GLS: variants seen among roughly 807,000 people sequenced by gnomAD.
GLS encodes glutaminase kidney isoform, mitochondrial.
A neutral mutation model predicts 86.7 loss-of-function variants in GLS; 36 were observed. The ratio of observed to expected loss-of-function variants is 0.42; its 90% CI spans 0.32 to 0.55. The LOEUF is 0.55. Ranked by LOEUF, GLS falls within the 20% of genes least tolerant of loss-of-function variation. GLS has a pLI of 0.17. For missense variants in GLS, 528 were observed against 833.4 expected (o/e 0.63, Z 4.51); for synonymous variants, 317 against 305.9 (o/e 1.04, Z -0.38).
intron 14 of GLS, among the ~76,000 whole-genome samples, chr2:190,939,519 C>T (rs1401637761): frequency 6.6e-6 from 1 of 151,618 alleles, no homozygotes; most frequent in Non-Finnish European, 1.5e-5. Context: ...GTATCAGTTA[C>T]ACAAATGTAA....
At chr2:190,912,695 T>C (rs1354706365) in intron 7 of GLS, among the ~76,000 whole-genome samples, 1 of 152,160 alleles carries the variant, frequency 6.6e-6, no homozygotes, top group East Asian at 1.9e-4. Flanking sequence ...TGATACTCAA[T>C]GTGCTGTTCA....
At position 190,935,130 on chromosome 2, in the gene GLS, GT is replaced by G; in HGVS notation, c.1650+3494del. On this transcript the variant is annotated intron_variant, in intron 14 of 17. Coordinates refer to ENST00000320717, the MANE Select transcript of GLS (RefSeq NM_014905.5). The surrounding 1 kb of genome is among the most constrained non-coding windows in gnomAD (Gnocchi z 4.2). ...ATTTGAAATGCATATTGTTCTTGAA[GT>G]ACTTTGTTTTTAGCATAAATGTTGT... 1 of 940,716 alleles carries G rather than the reference GT, an allele frequency of 1.1e-6. No individual in the cohort carries two copies. Among genetic ancestry groups the G allele is most frequent in the Non-Finnish European group, 1.3e-6 (1 of 789,570 alleles). The allele number at this position is 940,716 out of a possible 1,614,324, so 58.3% of individuals were successfully genotyped here.
intron 3 of GLS, among the ~76,000 whole-genome samples, chr2:190,900,243 G>C (rs1688893446): frequency 6.6e-6 from 1 of 152,150 alleles, no homozygotes; most frequent in Non-Finnish European, 1.5e-5. Flanking sequence ...TCGTCATGCT[G>C]AATGTTACCA....
In GLS at chr2:190,933,508, G is replaced by C. The variant is rs1179051227; in HGVS notation, c.1650+1871G>C. ...ACTTTTTTTATTTTGCAACTCCTCT[G>C]TTCTGTCAGAGTTGTTATATACAGG... On this transcript the variant is annotated intron_variant, in intron 14 of 17. Transcript: ENST00000320717. The C allele has an allele frequency of 4.4e-6, 4 of 916,476 alleles. No individual in the cohort carries two copies. The South Asian group carries it at 2.0e-4, about 46-fold the overall frequency. The allele number at this position is 916,476 out of a possible 1,614,324, so 56.8% of individuals were successfully genotyped here. A position where few individuals can be genotyped will look rare whatever the true frequency, so the allele number is the denominator to read the frequency against.
At position 190,963,233 on chromosome 2, in the gene GLS, A is replaced by G. The variant is rs1691044702; in HGVS notation, c.*247A>G. 3 of 320,652 alleles carry G rather than the reference A, an allele frequency of 9.4e-6. No individual in the cohort carries two copies. The highest frequency in any genetic ancestry group is 1.7e-5 in the Non-Finnish European group (3 of 173,510). The allele number at this position is 320,652 out of a possible 1,614,324, so 19.9% of individuals were successfully genotyped here. ...CATTGTATAATTTGATGTAAAAGAA[A>G]TAGTTACCAATGCTAGCTTGTGTGG... On this transcript the variant is annotated 3_prime_UTR_variant, in exon 18 of 18. Transcript: ENST00000320717.
rs192670482 is a variant in GLS, at chr2:190,964,960, A to T, written c.*1974A>T. ...AAAGAGAGTTTTCATCTTTTTTCAG[A>T]TCAAAACCATTCTGTAAAATCTTTG... On this transcript the variant is annotated 3_prime_UTR_variant, in exon 18 of 18. Coordinates refer to ENST00000320717, the MANE Select transcript of GLS (RefSeq NM_014905.5). This position sits in a 1 kb window ranked among gnomAD's most constrained non-coding sequence, Gnocchi z 5.2. 1.9e-4 allele frequency: 29 copies of T among 152,262 alleles called. No homozygotes were observed. The highest frequency in any genetic ancestry group is 7.0e-4 in the African/African-American group (29 of 41,566). 9.4% of individuals were successfully genotyped at this position (152,262 alleles called of 1,614,324 possible).
At chr2:190,888,401 G>A (rs1688457904) in intron 1 of GLS, among the ~76,000 whole-genome samples, 1 of 152,144 alleles carries the variant, frequency 6.6e-6, no homozygotes, top group Non-Finnish European at 1.5e-5. Flanking sequence ...TTAAAACATT[G>A]TAATCAATAG....
chr2:190,930,543 G>A lies in GLS; in HGVS notation c.1532G>A (p.Ser511Asn). 1.2e-6 allele frequency: 2 copies of A among 1,611,722 alleles called. No individual in the cohort carries two copies. Among genetic ancestry groups the A allele is most frequent in the Non-Finnish European group, 1.7e-6 (2 of 1,178,886 alleles). The stretch of plus-strand genomic sequence containing the variant: ...CCTCCTCTGGATAAGATGGGCAACA[G>A]TGTTAAGGGAATTCACTTTTGTCAC... ...WSPPLDKMGNSVKGIHFCHDL... is the reference protein window; with the variant it reads ...WSPPLDKMGNNVKGIHFCHDL... Residue 511 changes from serine (S) to asparagine (N), a missense_variant, in exon 13 of 18, where the codon AGT becomes AAT. Ser to Asn is a conservative substitution (Grantham distance 46). Around this residue, in one of 4 missense-constraint regions of GLS, gnomAD observed 163 missense variants for 429.2 expected, o/e 0.38. Coordinates refer to ENST00000320717, the MANE Select transcript of GLS (RefSeq NM_014905.5). This position sits in a 1 kb window ranked among gnomAD's most constrained non-coding sequence, Gnocchi z 5.0.
At position 190,880,934 on chromosome 2, in the gene GLS, C is replaced by T; in HGVS notation, c.-151C>T. 5.0e-6 allele frequency: 5 copies of T among 1,006,488 alleles called. No individual in the cohort carries two copies. The highest frequency in any genetic ancestry group is 5.7e-5 in the East Asian group (2 of 35,298). 62.3% of individuals were successfully genotyped at this position (1,006,488 alleles called of 1,614,324 possible). On this transcript the variant is annotated 5_prime_UTR_variant, in exon 1 of 18. Coordinates refer to ENST00000320717, the MANE Select transcript of GLS (RefSeq NM_014905.5). ...GCAGCAGCAGCACCCGCATCCGCTG[C>T]GGGAGTCCGAGCCGGAACCACACCC...
chr2:190,936,576 A>T (rs1363262127), intron 14 of GLS, among the ~76,000 whole-genome samples: 2 of 151,022 alleles, frequency 1.3e-5, no homozygotes, highest in Admixed American at 1.3e-4. Flanking sequence ...TTGACTTTAA[A>T]GATTTGTGGT....
Position 190,930,707 on chromosome 2 carries a change from A to G in GLS, c.1557+139A>G. ...TGCCAGTTACTAGGGAGCCGTGGAA[A>G]TACTCCCAGAGGAGCTTCAAGTTGT... On this transcript the variant is annotated intron_variant, in intron 13 of 17. Transcript: ENST00000320717. This position sits in a 1 kb window ranked among gnomAD's most constrained non-coding sequence, Gnocchi z 5.0. 1 of 664,350 alleles carries G rather than the reference A, an allele frequency of 1.5e-6. No homozygotes were observed. Among genetic ancestry groups the G allele is most frequent in the South Asian group, 2.3e-5 (1 of 43,096 alleles). The allele number at this position is 664,350 out of a possible 1,614,324, so 41.2% of individuals were successfully genotyped here. A position where few individuals can be genotyped will look rare whatever the true frequency, so the allele number is the denominator to read the frequency against.
intron 7 of GLS, among the ~76,000 whole-genome samples, chr2:190,917,411 T>A (rs927149569): frequency 1.3e-5 from 2 of 152,226 alleles, no homozygotes; most frequent in African/African-American, 2.4e-5. Context: ...CATGTGTGGT[T>A]ACTTCCTCCA....
chr2:190,895,156 A>G lies in GLS; in HGVS notation c.391A>G (p.Ile131Val). 6.9e-7 allele frequency: 1 copy of G among 1,449,770 alleles called. No individual in the cohort carries two copies. The highest frequency in any genetic ancestry group is 1.4e-5 in the African/African-American group (1 of 71,706). 89.8% of individuals were successfully genotyped at this position (1,449,770 alleles called of 1,614,324 possible). A position where few individuals can be genotyped will look rare whatever the true frequency, so the allele number is the denominator to read the frequency against. Residue 131 changes from isoleucine (I) to valine (V), a missense_variant, in exon 2 of 18, where the codon ATA (isoleucine) becomes GTA (valine). Ile to Val is a conservative substitution (Grantham distance 29). Transcript: ENST00000320717. This position sits in a 1 kb window ranked among gnomAD's most constrained non-coding sequence, Gnocchi z 4.2. ...KELVASGENK[I>V]KQGLLPSLED... ...GTGTTCTTTCTACCTCTTTAGTAAA[A>G]TAAAACAGGGTCTGTTACCTAGCTT... is the stretch of plus-strand genomic sequence containing the variant.
intron 17 of GLS, among the ~76,000 whole-genome samples, chr2:190,957,375 A>G (rs1243077870): frequency 6.6e-6 from 1 of 152,182 alleles, no homozygotes; most frequent in Non-Finnish European, 1.5e-5. Context: ...TACAGGCATG[A>G]GCCACTGTGC....
At chr2:190,927,131 G>A in intron 11 of GLS, 175 bp from the exon 12 acceptor site, 1 of 541,314 alleles carries the variant, frequency 1.8e-6, no homozygotes, top group Admixed American at 3.7e-5. Flanking sequence ...AATCTTAAAA[G>A]TGGGTAGGAC....
rs1689463312 is a variant in GLS, at chr2:190,914,592, A to G, written c.1038+4271A>G. Among the ~76,000 whole-genome samples the G allele has an allele frequency of 6.6e-6, 1 of 151,944 alleles. No homozygotes were observed. The highest frequency in any genetic ancestry group is 1.5e-5 in the Non-Finnish European group (1 of 67,990). The stretch of plus-strand genomic sequence containing the variant: ...TTTTCCTAATACTCTTTAGCTTTAA[A>G]CCATTTTCTATCATAAGACTAAATT... On this transcript the variant is annotated intron_variant, in intron 7 of 17. Transcript: ENST00000320717. This position sits in a 1 kb window ranked among gnomAD's most constrained non-coding sequence, Gnocchi z 4.4.
rs1246635493 is a variant in GLS at position 190,964,398 on chromosome 2, A to ATGTT, written c.*1413_*1416dup. 7.0e-6 allele frequency: 1 copy of ATGTT among 142,658 alleles called. No homozygotes were observed. The highest frequency in any genetic ancestry group is 2.5e-5 in the African/African-American group (1 of 39,432). The allele number at this position is 142,658 out of a possible 1,614,324, so 8.8% of individuals were successfully genotyped here. A position where few individuals can be genotyped will look rare whatever the true frequency, so the allele number is the denominator to read the frequency against. On this transcript the variant is annotated 3_prime_UTR_variant, in exon 18 of 18. Transcript: ENST00000320717. The surrounding 1 kb of genome is among the most constrained non-coding windows in gnomAD (Gnocchi z 5.2). ...TAGTGAAATGAGCTCAAGTACATGAATGTTAGTTGTTATCACATACAGCAA... is the reference window on the plus strand; with the variant it reads ...TAGTGAAATGAGCTCAAGTACATGAATGTTTGTTAGTTGTTATCACATACAGCAA...
At chr2:190,933,815 A>G (rs923734259) in intron 14 of GLS, 5 of 664,322 alleles carry the variant, frequency 7.5e-6, no homozygotes, top group Non-Finnish European at 9.3e-6. Flanking sequence ...ATAGCATCTC[A>G]TAAAGTTTGT....
At chr2:190,957,202 T>A (rs2124953337) in intron 17 of GLS, among the ~76,000 whole-genome samples, 1 of 152,316 alleles carries the variant, frequency 6.6e-6, no homozygotes, top group East Asian at 1.9e-4. Flanking sequence ...GCAATTCTCC[T>A]GCCTCAGCCT....
Sources: gnomAD v4.1 joint callset for allele counts (sites outside exome capture counted in the v4.1 genomes callset) on GRCh38, gnomAD v4.1.1 for gene constraint, gnomAD v4.1.1 regional missense constraint, Gnocchi (gnomAD v3.1) non-coding constraint, MANE v1.5 for transcripts, NCBI Gene and HGNC (gene_info 2026-07-23, HGNC 2026-07-21) for gene names.